The following CCSER1 variants were observed in gnomAD, a reference collection of about 807,000 sequenced individuals.
The protein encoded by CCSER1 is serine-rich coiled-coil domain-containing protein 1.
A neutral mutation model predicts 82.0 loss-of-function variants in CCSER1; 41 were observed. That is an observed-to-expected ratio of 0.50 (90% CI 0.39 to 0.65). CCSER1 has a LOEUF of 0.65. CCSER1 is among the 30% of genes least tolerant of loss of function. The pLI is 0.00. For synonymous variants in CCSER1, 414 were observed against 383.9 expected (o/e 1.08, Z -0.92); for missense variants, 1,119 against 1,064.2 (o/e 1.05, Z -0.72).
chr4:90,482,480 A>T (rs1766193979), intron 5 of CCSER1, among the ~76,000 whole-genome samples: 1 of 152,068 alleles, frequency 6.6e-6, no homozygotes, highest in African/African-American at 2.4e-5. Context: ...TCAATTTTAG[A>T]TCTTTCCTGC....
intron 10 of CCSER1, among the ~76,000 whole-genome samples, chr4:91,137,458 G>A (rs2148921453): frequency 1.5e-5 from 1 of 68,868 alleles, no homozygotes; most frequent in Middle Eastern, 4.5e-3. Context: ...TGTGAATAAT[G>A]CCGCAATAAA....
intron 10 of CCSER1, among the ~76,000 whole-genome samples, chr4:91,321,104 T>C: frequency 6.6e-6 from 1 of 152,070 alleles, no homozygotes; most frequent in Non-Finnish European, 1.5e-5. Context: ...GTTAATTAAT[T>C]TGATTTGAGA....
At chr4:90,755,776 G>C (rs1749424543) in intron 7 of CCSER1, among the ~76,000 whole-genome samples, 1 of 152,110 alleles carries the variant, frequency 6.6e-6, no homozygotes, top group Admixed American at 6.5e-5. Context: ...TGAATGAAAG[G>C]ACATTAGTTA....
chr4:91,505,740 C>A (rs1443816159), intron 10 of CCSER1, among the ~76,000 whole-genome samples: 1 of 152,064 alleles, frequency 6.6e-6, no homozygotes, highest in Non-Finnish European at 1.5e-5. Flanking sequence ...TGAATGTGTT[C>A]TTTTGAGAAG....
At chr4:90,709,926 C>G (rs954999092) in intron 6 of CCSER1, among the ~76,000 whole-genome samples, 1 of 149,714 alleles carries the variant, frequency 6.7e-6, no homozygotes, top group South Asian at 2.1e-4. Context: ...TCCTTTTTCT[C>G]TGCAACCTTG....
chr4:91,066,859 C>T (rs1422386436), intron 9 of CCSER1, among the ~76,000 whole-genome samples: 3 of 152,030 alleles, frequency 2.0e-5, no homozygotes, highest in African/African-American at 7.2e-5. Context: ...CTGTTTTGAC[C>T]CAGCACATAG....
chr4:90,293,934 C>G (rs1163176308), intron 1 of CCSER1, among the ~76,000 whole-genome samples: 1 of 151,810 alleles, frequency 6.6e-6, no homozygotes, highest in African/African-American at 2.4e-5. Flanking sequence ...ATACAAAAAT[C>G]TATTGTGGTT....
At chr4:91,048,158 CT>C (rs1249001330) in intron 9 of CCSER1, among the ~76,000 whole-genome samples, 2 of 151,836 alleles carry the variant, frequency 1.3e-5, no homozygotes, top group African/African-American at 4.8e-5. Flanking sequence ...TATTAATTTC[CT>C]TCCAAATAAT....
chr4:90,471,852 C>T (rs1219269881), intron 5 of CCSER1, among the ~76,000 whole-genome samples: 3 of 152,102 alleles, frequency 2.0e-5, no homozygotes, highest in South Asian at 2.1e-4. Context: ...TGGCAGTCAC[C>T]TGTAATCCCA....
At chr4:90,550,094 A>G (rs960841374) in intron 5 of CCSER1, among the ~76,000 whole-genome samples, 2 of 152,058 alleles carry the variant, frequency 1.3e-5, no homozygotes, top group Admixed American at 1.3e-4. Context: ...CCATCTTAGA[A>G]TTTGGAAAGC....
chr4:91,275,093 G>A (rs1269649602), intron 10 of CCSER1, among the ~76,000 whole-genome samples: 1 of 151,428 alleles, frequency 6.6e-6, no homozygotes, highest in Non-Finnish European at 1.5e-5. Flanking sequence ...GTGACAGAGC[G>A]AGACTCCGTC....
At chr4:90,157,295 C>A (rs1415585534) in intron 1 of CCSER1, among the ~76,000 whole-genome samples, 3 of 152,154 alleles carry the variant, frequency 2.0e-5, no homozygotes, top group Admixed American at 2.0e-4. Context: ...TTCTCTCTGG[C>A]TGCCCTTAAC....
At chr4:90,343,652 T>G (rs537073176) in intron 3 of CCSER1, among the ~76,000 whole-genome samples, 131 of 152,184 alleles carry the variant, frequency 8.6e-4, no homozygotes, top group Non-Finnish European at 1.3e-3. Flanking sequence ...CTAGACTATA[T>G]TTTTTAGACT....
intron 2 of CCSER1, among the ~76,000 whole-genome samples, chr4:90,311,831 T>G (rs1218411661): frequency 6.6e-6 from 1 of 152,208 alleles, no homozygotes; most frequent in Non-Finnish European, 1.5e-5. Flanking sequence ...GAACAATTTT[T>G]TCATTTACTC....
At chr4:91,414,468 A>T (rs1753236343) in intron 10 of CCSER1, among the ~76,000 whole-genome samples, 1 of 152,152 alleles carries the variant, frequency 6.6e-6, no homozygotes, top group African/African-American at 2.4e-5. Flanking sequence ...AAAATTCACA[A>T]ATTTAAAGGA....
chr4:91,247,301 C>CAA (rs36047203), intron 10 of CCSER1, among the ~76,000 whole-genome samples: 18 of 114,328 alleles, frequency 1.6e-4, no homozygotes, highest in East Asian at 2.5e-4. Flanking sequence ...GACTCCGTCT[C>CAA]AAAAAAAAAA....
chr4:90,138,795 T>G (rs991740944), intron 1 of CCSER1, among the ~76,000 whole-genome samples: 6 of 152,226 alleles, frequency 3.9e-5, no homozygotes, highest in Non-Finnish European at 8.8e-5. Context: ...GTTGGTGTGC[T>G]GCACCCATTA....
rs1722031401 is a variant in CCSER1 at position 90,127,801 on chromosome 4, G to A, written c.-72G>A. Reference sequence around the variant, plus strand: ...GACATAAATCCCTGAGTGCCCGGGAGGAGCCTTAACAAGCGCACGGAGCCC... The same window carrying A: ...GACATAAATCCCTGAGTGCCCGGGAAGAGCCTTAACAAGCGCACGGAGCCC... On this transcript the variant is annotated 5_prime_UTR_variant, in exon 1 of 11. Coordinates refer to ENST00000509176, the MANE Select transcript of CCSER1 (RefSeq NM_001145065.2). 6.6e-6 allele frequency: 1 copy of A among 152,384 alleles called. No individual in the cohort carries two copies. The highest frequency in any genetic ancestry group is 1.5e-5 in the Non-Finnish European group (1 of 68,168). 9.4% of individuals were successfully genotyped at this position (152,384 alleles called of 1,614,324 possible).
At chr4:90,236,334 AAGCATATGAGGAGAAAAG>A (rs1745803212) in intron 1 of CCSER1, among the ~76,000 whole-genome samples, 1 of 152,204 alleles carries the variant, frequency 6.6e-6, no homozygotes, top group Admixed American at 6.5e-5. Context: ...TAATCGAGAA[AAGCATATGAGGAGAAAAG>A]AGCTCTAAGT....
Sources: allele counts gnomAD v4.1 joint callset (sites outside exome capture counted in the v4.1 genomes callset), GRCh38; gene constraint gnomAD v4.1.1; transcripts MANE v1.5; gene names NCBI Gene and HGNC (gene_info 2026-07-23, HGNC 2026-07-21).